Variants in ARL5A observed in about 807,000 individuals in gnomAD.
The protein encoded by ARL5A is ADP-ribosylation factor-like protein 5A.
ARL5A carries 18 observed loss-of-function variants against 25.9 expected under a neutral mutation model. That is an observed-to-expected ratio of 0.69 (90% CI 0.48 to 1.03). The LOEUF is 1.03. ARL5A is among the 50% of genes least tolerant of loss of function. The pLI is 0.00. For missense variants in ARL5A, 170 were observed against 211.9 expected (o/e 0.80, Z 1.23); for synonymous variants, 61 against 67.5 (o/e 0.90, Z 0.47).
chr2:151,826,362 T>C (rs2099833054), intron 1 of ARL5A, among the ~76,000 whole-genome samples: 1 of 152,194 alleles, frequency 6.6e-6, no homozygotes, highest in Non-Finnish European at 1.5e-5. Context: ...ATACAGGTTA[T>C]AAAAACACTA....
chr2:151,808,548 TATCTC>T (rs2099830401), intron 4 of ARL5A, among the ~76,000 whole-genome samples: 1 of 152,204 alleles, frequency 6.6e-6, no homozygotes, highest in Non-Finnish European at 1.5e-5. Context: ...TTTATATAGT[TATCTC>T]ATTAAGTATG....
chr2:151,826,627 G>C (rs1246027832), intron 1 of ARL5A, among the ~76,000 whole-genome samples: 1 of 152,186 alleles, frequency 6.6e-6, no homozygotes, highest in Non-Finnish European at 1.5e-5. Flanking sequence ...AACTAGAATA[G>C]ATCTTATCTA....
At chr2:151,807,630 CTTAA>C (rs976526867) in intron 4 of ARL5A, among the ~76,000 whole-genome samples, 11 of 152,272 alleles carry the variant, frequency 7.2e-5, no homozygotes, top group African/African-American at 2.4e-4. Flanking sequence ...AACCTTAGGG[CTTAA>C]TTCTCAGTTG....
intron 5 of ARL5A, among the ~76,000 whole-genome samples, chr2:151,803,895 T>C (rs372068341): frequency 1.4e-4 from 21 of 152,246 alleles, no homozygotes; most frequent in African/African-American, 4.3e-4. Flanking sequence ...GACATAAACA[T>C]AGACTTACAT....
chr2:151,807,790 C>T (rs1248622583), intron 4 of ARL5A, among the ~76,000 whole-genome samples: 5 of 152,154 alleles, frequency 3.3e-5, no homozygotes, highest in East Asian at 3.9e-4. Flanking sequence ...CACTTCAATG[C>T]TATGACTCAG....
At chr2:151,810,429 G>T in intron 4 of ARL5A, 2 of 244,002 alleles carry the variant, frequency 8.2e-6, no homozygotes, top group Non-Finnish European at 1.7e-5. Context: ...TGCCTGTTTG[G>T]CTCTTCTTGA....
At chr2:151,804,318 G>C (rs2099829803) in intron 5 of ARL5A, among the ~76,000 whole-genome samples, 1 of 152,154 alleles carries the variant, frequency 6.6e-6, no homozygotes, top group South Asian at 2.1e-4. Context: ...TAAAAGTTGA[G>C]CAAGAGAGAA....
At chr2:151,817,005 A>G (rs1457889575) in intron 1 of ARL5A, among the ~76,000 whole-genome samples, 2 of 152,230 alleles carry the variant, frequency 1.3e-5, no homozygotes, top group Admixed American at 1.3e-4. Flanking sequence ...GACTTAAGTT[A>G]CTTTCAACTT....
chr2:151,826,546 C>G (rs1418094634), intron 1 of ARL5A, among the ~76,000 whole-genome samples: 1 of 152,188 alleles, frequency 6.6e-6, no homozygotes, highest in Non-Finnish European at 1.5e-5. Context: ...GCTCAATTCA[C>G]AGTCTTGCTA....
At chr2:151,824,428 C>T (rs548753976) in intron 1 of ARL5A, among the ~76,000 whole-genome samples, 1 of 152,110 alleles carries the variant, frequency 6.6e-6, no homozygotes, top group South Asian at 2.1e-4. Context: ...ACAGTCTACC[C>T]CTTGGCTACT....
At chr2:151,820,660 C>CAAAAAAAAAAAAA (rs71410438) in intron 1 of ARL5A, among the ~76,000 whole-genome samples, 6 of 45,082 alleles carry the variant, frequency 1.3e-4, no homozygotes, top group African/African-American at 5.1e-4. Context: ...ATCCTGTCTC[C>CAAAAAAAAAAAAA]AAAAAAAAAA....
At chr2:151,810,301 CAAT>C (rs2099830674) in intron 4 of ARL5A, 1 of 162,412 alleles carries the variant, frequency 6.2e-6, no homozygotes, top group Non-Finnish European at 1.4e-5. Flanking sequence ...TCAGTGATGA[CAAT>C]AAGATTTTGT....
intron 4 of ARL5A, among the ~76,000 whole-genome samples, chr2:151,807,430 T>C (rs930266766): frequency 5.3e-5 from 8 of 152,214 alleles, no homozygotes; most frequent in African/African-American, 1.9e-4. Flanking sequence ...GTTGTTCAAA[T>C]CATTTCTCTT....
chr2:151,828,007 G>T, intron 1 of ARL5A, 124 bp downstream of exon 1: 1 of 1,008,382 alleles, frequency 9.9e-7, no homozygotes, highest in Non-Finnish European at 1.5e-6. Context: ...CGCGCAGCCT[G>T]CACCCCGCGC....
chr2:151,812,094 T>C (rs1168531327), intron 4 of ARL5A, among the ~76,000 whole-genome samples: 1 of 152,164 alleles, frequency 6.6e-6, no homozygotes, highest in African/African-American at 2.4e-5. Context: ...CTTATAGAAA[T>C]TACTTTTGCC....
intron 3 of ARL5A, 113 bp from the exon 4 acceptor site, chr2:151,812,553 G>C: frequency 1.6e-6 from 1 of 635,226 alleles, no homozygotes; most frequent in South Asian, 3.2e-5. Flanking sequence ...GAATCTTATG[G>C]TATTGTTGGA....
At chr2:151,817,824 G>A (rs2099831721) in intron 1 of ARL5A, among the ~76,000 whole-genome samples, 1 of 152,110 alleles carries the variant, frequency 6.6e-6, no homozygotes, top group Admixed American at 6.5e-5. Context: ...TGACCAACAT[G>A]GTAAAACTCC....
Position 151,806,906 on chromosome 2 carries a change from C to T in ARL5A, c.406G>A (p.Ala136Thr). 1 of 1,613,494 alleles carries T rather than the reference C, an allele frequency of 6.2e-7. No homozygotes were observed. The highest frequency in any genetic ancestry group is 1.1e-5 in the South Asian group (1 of 90,950). The change falls in exon 5 of 6, where the codon GCA becomes ACA. Residue 136 changes from alanine (A) to threonine (T), a missense_variant. By Grantham distance (58) the Ala-to-Thr change is moderately conservative. Coordinates refer to ENST00000295087, the MANE Select transcript of ARL5A (RefSeq NM_012097.4). ...KQDVKECMTV[A>T]EISQFLKLTS... ...AGCTTCAAAAACTGGGAGATTTCTG[C>T]TACAGTCATGCATTCTTTAACATCT...
At chr2:151,814,479 A>T (rs2099831244) in intron 2 of ARL5A, among the ~76,000 whole-genome samples, 163 bp from the exon 3 acceptor site, 1 of 152,142 alleles carries the variant, frequency 6.6e-6, no homozygotes, top group Admixed American at 6.6e-5. Flanking sequence ...ACAGGGCTGG[A>T]ACTAGGTCGT....
Sources: allele counts gnomAD v4.1 joint callset (sites outside exome capture counted in the v4.1 genomes callset), GRCh38; gene constraint gnomAD v4.1.1; transcripts MANE v1.5; gene names NCBI Gene and HGNC (gene_info 2026-07-23, HGNC 2026-07-21).